XYLB: variants seen among roughly 807,000 people sequenced by gnomAD.
XYLB encodes the protein xylulose kinase.
Under a neutral mutation model 78.7 loss-of-function variants are expected in XYLB, and 62 were observed. The observed-to-expected ratio is 0.79, with a 90% CI of 0.64 to 0.97. The LOEUF (loss-of-function observed/expected upper bound fraction) is 0.97. Among genes scored for constraint, XYLB ranks in the 50% least tolerant of loss-of-function variants. XYLB has a pLI of 0.00. For missense variants in XYLB, 687 were observed against 676.8 expected (o/e 1.02, Z -0.17); for synonymous variants, 245 against 247.4 (o/e 0.99, Z 0.09).
chr3:38,439,265 G>C, the XYLB span, among the ~76,000 whole-genome samples: 1 of 152,142 alleles, frequency 6.6e-6, no homozygotes, highest in East Asian at 1.9e-4. Flanking sequence ...TTGGTCCAGG[G>C]GTCCTCAGTA....
intron 10 of XYLB, 48 bp from the exon 11 acceptor site, chr3:38,374,414 G>A (rs1706738070): frequency 1.2e-6 from 2 of 1,613,778 alleles, no homozygotes; most frequent in Non-Finnish European, 1.7e-6. Flanking sequence ...TTGCTTTGTG[G>A]TTCCCATGTG....
At chr3:38,422,736 A>G (rs1709017177), downstream of XYLB, among the ~76,000 whole-genome samples, 1 of 152,150 alleles carries the variant, frequency 6.6e-6, no homozygotes, top group African/African-American at 2.4e-5. Context: ...CATTACATAG[A>G]ACAATTATAT....
chr3:38,357,211 A>C (rs918426463), intron 2 of XYLB: 2 of 152,236 alleles, frequency 1.3e-5, no homozygotes, highest in Non-Finnish European at 2.9e-5. Context: ...TACAATGTAT[A>C]CGTTTTTGTG....
chr3:38,368,311 G>A, intron 8 of XYLB, 54 bp downstream of exon 8: 1 of 1,561,872 alleles, frequency 6.4e-7, no homozygotes, highest in African/African-American at 1.4e-5. Context: ...TGGCATGTGG[G>A]TGTGCAAGCA....
At chr3:38,389,882 C>T (rs1707577678) in intron 15 of XYLB, among the ~76,000 whole-genome samples, 1 of 152,200 alleles carries the variant, frequency 6.6e-6, no homozygotes, top group African/African-American at 2.4e-5. Flanking sequence ...AGATTTCAGT[C>T]CTCCATACCA....
downstream of XYLB, among the ~76,000 whole-genome samples, chr3:38,420,781 C>G (rs900296967): frequency 6.6e-6 from 1 of 152,090 alleles, no homozygotes; most frequent in Non-Finnish European, 1.5e-5. Context: ...AGCCCTAACC[C>G]TGTCATAAAC....
intron 3 of XYLB, among the ~76,000 whole-genome samples, chr3:38,361,264 T>C (rs1559578473): frequency 6.6e-6 from 1 of 151,870 alleles, no homozygotes; most frequent in Non-Finnish European, 1.5e-5. Context: ...GTGGACAGCA[T>C]AGACAGGCGT....
downstream of XYLB, among the ~76,000 whole-genome samples, chr3:38,423,067 GTTA>G (rs1000459940): frequency 6.6e-6 from 1 of 151,974 alleles, no homozygotes; most frequent in African/African-American, 2.4e-5. Context: ...TCCACTCTTT[GTTA>G]TTATTATTAT....
At chr3:38,372,778 G>A (rs1359233007) in intron 10 of XYLB, 42 bp downstream of exon 10, 2 of 1,602,914 alleles carry the variant, frequency 1.2e-6, no homozygotes, top group African/African-American at 1.3e-5. Context: ...GAGCCTGACT[G>A]GGTCCATGCT....
intron 16 of XYLB, among the ~76,000 whole-genome samples, chr3:38,396,824 T>C (rs1707888416): frequency 6.6e-6 from 1 of 152,110 alleles, no homozygotes; most frequent in African/African-American, 2.4e-5. Flanking sequence ...TTGTCTTTGG[T>C]GAAATGGCTA....
At chr3:38,432,971 C>G in the XYLB span, among the ~76,000 whole-genome samples, 5 of 152,386 alleles carry the variant, frequency 3.3e-5, no homozygotes, top group South Asian at 6.2e-4. Context: ...AGTGGGAACT[C>G]TCTGTGGGGG....
chr3:38,393,143 C>T (rs535985458), intron 15 of XYLB, among the ~76,000 whole-genome samples: 30 of 151,918 alleles, frequency 2.0e-4, no homozygotes, highest in African/African-American at 7.3e-4. Context: ...TCTGTACTCC[C>T]TTTCATTTTT....
Position 38,413,383 on chromosome 3 carries a change from G to T in XYLB, c.*370G>T, listed in dbSNP as rs559196691. 1 of 186,372 alleles carries T rather than the reference G, an allele frequency of 5.4e-6. No homozygotes were observed. The highest frequency in any genetic ancestry group is 1.7e-4 in the South Asian group (1 of 5,726). 11.5% of individuals were successfully genotyped at this position (186,372 alleles called of 1,614,324 possible). A position where few individuals can be genotyped will look rare whatever the true frequency, so the allele number is the denominator to read the frequency against. On this transcript the variant is annotated 3_prime_UTR_variant, in exon 19 of 19. Transcript: ENST00000207870. Reference sequence around the variant, plus strand: ...AGCAGAATGGGGGAGACAAAGCCCGGTCTCACCCCCTAACCTCATCCTATC... The same window carrying T: ...AGCAGAATGGGGGAGACAAAGCCCGTTCTCACCCCCTAACCTCATCCTATC...
the XYLB span, chr3:38,452,357 T>A: frequency 6.6e-6 from 1 of 152,020 alleles, no homozygotes; most frequent in Non-Finnish European, 1.5e-5. Context: ...GCCCCTGAGG[T>A]GTTCCTGCTG....
intron 17 of XYLB, among the ~76,000 whole-genome samples, chr3:38,399,937 GA>G (rs2125654323): frequency 6.6e-6 from 1 of 152,252 alleles, no homozygotes; most frequent in South Asian, 2.1e-4. Flanking sequence ...AGAGTCTTTT[GA>G]TTAGTTTCTC....
intron 18 of XYLB, among the ~76,000 whole-genome samples, chr3:38,411,997 T>TC (rs994339504): frequency 6.6e-6 from 1 of 151,416 alleles, no homozygotes; most frequent in African/African-American, 2.4e-5. Context: ...TTTTTTTTTT[T>TC]TTCTTTTTTT....
At chr3:38,380,405 G>A (rs1411834195) in intron 15 of XYLB, among the ~76,000 whole-genome samples, 2 of 152,120 alleles carry the variant, frequency 1.3e-5, no homozygotes, top group Non-Finnish European at 2.9e-5. Flanking sequence ...AAGGAGGTTG[G>A]ACTGGCCGCC....
intron 14 of XYLB, among the ~76,000 whole-genome samples, chr3:38,377,309 C>T (rs1706911747): frequency 6.6e-6 from 1 of 152,084 alleles, no homozygotes. Context: ...CATCAAGAAC[C>T]CATGGATCTT....
intron 15 of XYLB, among the ~76,000 whole-genome samples, chr3:38,393,278 G>A (rs1348802675): frequency 1.3e-5 from 2 of 152,098 alleles, no homozygotes; most frequent in African/African-American, 4.8e-5. Context: ...GAGTAGCTAG[G>A]ACTACAGACA....
Sources: gnomAD v4.1 joint callset for allele counts (sites outside exome capture counted in the v4.1 genomes callset) on GRCh38, gnomAD v4.1.1 for gene constraint, MANE v1.5 for transcripts, NCBI Gene and HGNC (gene_info 2026-07-23, HGNC 2026-07-21) for gene names.